MMP2: variants seen among roughly 807,000 people sequenced by gnomAD.
MMP2 encodes matrix metallopeptidase 2.
Under a neutral mutation model 74.8 loss-of-function variants are expected in MMP2, and 39 were observed. The observed-to-expected ratio is 0.52, with a 90% confidence interval of 0.40 to 0.68. The LOEUF (loss-of-function observed/expected upper bound fraction) is 0.68, where lower values mean the gene tolerates loss of function less well. MMP2 is among the 30% of genes least tolerant of loss of function. MMP2 has a pLI of 0.00. For missense variants in MMP2, 803 were observed against 878.3 expected (o/e 0.91, Z 1.08); for synonymous variants, 367 against 339.8 (o/e 1.08, Z -0.88).
intron 11 of MMP2, 64 bp from the exon 12 acceptor site, chr16:55,502,715 C>T: frequency 6.8e-7 from 1 of 1,467,100 alleles, no homozygotes; most frequent in Non-Finnish European, 9.5e-7. Context: ...TGCTCCCATC[C>T]AGGCCAGGGG....
In MMP2 at chr16:55,498,309, T is replaced by C. The variant is rs1301362679; in HGVS notation, c.1630T>C (p.Ser544Pro). Residue 544 changes from serine (S) to proline (P), a missense_variant, in exon 11 of 13, where the codon TCA (serine) becomes CCA (proline). Coordinates refer to ENST00000219070, the MANE Select transcript of MMP2 (RefSeq NM_004530.6). ...FFAGNEYWIY[S>P]ASTLERGYPK... ...CCCAGGGAATGAATACTGGATCTACTCAGCCAGCACCCTGGAGCGAGGGTA... is the reference window on the plus strand; with the variant it reads ...CCCAGGGAATGAATACTGGATCTACCCAGCCAGCACCCTGGAGCGAGGGTA... The C allele has an allele frequency of 6.2e-7, 1 of 1,614,190 alleles. No homozygotes were observed.
At chr16:55,490,597 G>C (rs1235417798) in intron 7 of MMP2, among the ~76,000 whole-genome samples, 7 of 152,322 alleles carry the variant, frequency 4.6e-5, no homozygotes, top group Admixed American at 3.9e-4. Context: ...AAAGCTCCCT[G>C]ATGGCCCATA....
intron 9 of MMP2, among the ~76,000 whole-genome samples, chr16:55,494,888 G>A (rs1962496448): frequency 6.6e-6 from 1 of 152,230 alleles, no homozygotes. Context: ...TGATGGGGGT[G>A]ACAAGTTAGG....
rs532870938 is a variant in MMP2 at position 55,502,152 on chromosome 16, T to C, written c.1770-627T>C. Among the ~76,000 whole-genome samples, 5 of 152,194 alleles carry C rather than the reference T, an allele frequency of 3.3e-5. No individual in the cohort carries two copies. In the South Asian group the frequency reaches 1.0e-3, roughly 32 times the overall value. On this transcript the variant is annotated intron_variant, in intron 11 of 12. Coordinates refer to ENST00000219070, the MANE Select transcript of MMP2 (RefSeq NM_004530.6). ...CTTACACGTACCTTCCACCTTGCAT[T>C]GTAACCTCACTGCCCCAGCCATGGT... is the stretch of plus-strand genomic sequence containing the variant.
At position 55,501,108 on chromosome 16, in the gene MMP2, C is replaced by T. The variant is rs936293552; in HGVS notation, c.1770-1671C>T. ...TATGGGGCCTCTACCATAGCCCAGC[C>T]TGAGGCTATGCAGGTCACCTATATT... On this transcript the variant is annotated intron_variant, in intron 11 of 12. Coordinates refer to ENST00000219070, the MANE Select transcript of MMP2 (RefSeq NM_004530.6). Among the ~76,000 whole-genome samples, 14 of 152,344 alleles carry T rather than the reference C, an allele frequency of 9.2e-5. 1 individual carries two copies. The highest frequency in any genetic ancestry group is 8.5e-4 in the Admixed American group (13 of 15,300).
At chr16:55,501,582 C>A (rs1168545721) in intron 11 of MMP2, among the ~76,000 whole-genome samples, 1 of 152,114 alleles carries the variant, frequency 6.6e-6, no homozygotes, top group African/African-American at 2.4e-5. Flanking sequence ...AGGAAGCATG[C>A]CAGGTTTTGT....
rs2142378169 is a variant in MMP2 at position 55,505,925 on chromosome 16, A to T, written c.*483A>T. On this transcript the variant is annotated 3_prime_UTR_variant, in exon 13 of 13. Coordinates refer to ENST00000219070, the MANE Select transcript of MMP2 (RefSeq NM_004530.6). The stretch of plus-strand genomic sequence containing the variant: ...GGCTTTTCACTGCTGGCTGCCTTAG[A>T]ACCTTTCTTACATTAGCAGTTTGCT... The T allele has an allele frequency of 1.7e-5, 3 of 178,666 alleles. No homozygotes were observed. Among genetic ancestry groups the T allele is most frequent in the Middle Eastern group, 5.5e-3 (2 of 364 alleles). 11.1% of individuals were successfully genotyped at this position (178,666 alleles called of 1,614,324 possible).
chr16:55,497,648 C>T (rs955563098), intron 10 of MMP2, among the ~76,000 whole-genome samples: 15 of 152,038 alleles, frequency 9.9e-5, no homozygotes, highest in Non-Finnish European at 1.6e-4. Context: ...TACAGGGAGC[C>T]CCTAGAAGTG....
intron 5 of MMP2, chr16:55,488,222 C>T (rs1384944589): frequency 1.4e-5 from 6 of 419,504 alleles, no homozygotes; most frequent in South Asian, 1.1e-4. Context: ...TTGCATGGTA[C>T]AGGTGTGGAC....
At chr16:55,496,783 C>T in intron 9 of MMP2, 143 bp from the exon 10 acceptor site, 3 of 1,161,142 alleles carry the variant, frequency 2.6e-6, no homozygotes, top group East Asian at 2.5e-5. Flanking sequence ...TCCAGTCCTT[C>T]TCCAACCTTC....
chr16:55,503,030 A>G (rs1962710088), intron 12 of MMP2, 142 bp downstream of exon 12: 2 of 719,496 alleles, frequency 2.8e-6, no homozygotes, highest in South Asian at 3.0e-5. Context: ...CCTTCATCCT[A>G]GTGCTGGGAA....
Position 55,493,094 on chromosome 16 carries a change from G to A in MMP2, c.1337-64G>A, listed in dbSNP as rs1320719119. The stretch of plus-strand genomic sequence containing the variant: ...AGATGGTTGGGTGGGCACCCCTGGG[G>A]GCTCACCCTAGTGGGGAGAACCTCT... On this transcript the variant is annotated intron_variant, in intron 8 of 12. Coordinates refer to ENST00000219070, the MANE Select transcript of MMP2 (RefSeq NM_004530.6). The A allele has an allele frequency of 5.0e-6, 8 of 1,601,138 alleles. No individual in the cohort carries two copies. In the Admixed American group the frequency reaches 1.0e-4, roughly 20 times the overall value.
intron 9 of MMP2, among the ~76,000 whole-genome samples, chr16:55,496,278 A>G (rs1962526213): frequency 4.6e-5 from 7 of 152,204 alleles, no homozygotes; most frequent in Admixed American, 4.6e-4. Flanking sequence ...ATCTACCCCT[A>G]GAATGGGGGT....
chr16:55,502,901 G>C lies in MMP2; in HGVS notation c.1879+13G>C. 6.2e-7 allele frequency: 1 copy of C among 1,607,290 alleles called. No homozygotes were observed. The highest frequency in any genetic ancestry group is 1.1e-5 in the South Asian group (1 of 90,972). On this transcript the variant is annotated intron_variant, in intron 12 of 12. Transcript: ENST00000219070. Reference sequence around the variant, plus strand: ...CTGCAGGGCGGCGGTGAGCCACCCAGGACTGTCTCCGCTTTCTAGGACTCC... The same window carrying C: ...CTGCAGGGCGGCGGTGAGCCACCCACGACTGTCTCCGCTTTCTAGGACTCC...
At chr16:55,502,106 C>T (rs1266676941) in intron 11 of MMP2, among the ~76,000 whole-genome samples, 1 of 152,194 alleles carries the variant, frequency 6.6e-6, no homozygotes, top group African/African-American at 2.4e-5. Flanking sequence ...GTGGCCCACC[C>T]TGTGACTAAC....
Position 55,493,162 on chromosome 16 carries a change from C to G in MMP2, c.1341C>G (p.Ala447=). 6.2e-7 allele frequency: 1 copy of G among 1,613,776 alleles called. No homozygotes were observed. Among genetic ancestry groups the G allele is most frequent in the Non-Finnish European group, 8.5e-7 (1 of 1,180,032 alleles). The change falls in exon 9 of 13, where the codon GCC becomes GCG. Residue 447 remains alanine, a synonymous_variant. Transcript: ENST00000219070. ...DIKGIQELYG[A]SPDIDLGTGP... The stretch of plus-strand genomic sequence containing the variant: ...AAGGTCAGGTGTTCTCCCCAGGGGC[C>G]TCTCCTGACATTGACCTTGGCACCG...
intron 2 of MMP2, 93 bp from the exon 3 acceptor site, chr16:55,483,923 A>C: frequency 7.0e-7 from 1 of 1,419,696 alleles, no homozygotes; most frequent in South Asian, 1.2e-5. Context: ...ACACACTCAA[A>C]CTTTTTCATA....
In MMP2 at chr16:55,502,867, G is replaced by C. The variant is rs41459945; in HGVS notation, c.1858G>C (p.Val620Leu). 1.9e-6 allele frequency: 3 copies of C among 1,613,828 alleles called. No individual in the cohort carries two copies. In the Admixed American group the frequency reaches 5.0e-5, roughly 27 times the overall value. The part of the protein sequence containing the change: ...WNAIPDNLDA[V>L]VDLQGGGHSY... ...TGCCATCCCCGATAACCTGGATGCCGTCGTGGACCTGCAGGGCGGCGGTGA... is the reference window on the plus strand; with the variant it reads ...TGCCATCCCCGATAACCTGGATGCCCTCGTGGACCTGCAGGGCGGCGGTGA... The change falls in exon 12 of 13, where the codon GTC becomes CTC. Residue 620 changes from valine to leucine, a missense_variant. Transcript: ENST00000219070.
chr16:55,498,529 G>A (rs1189673105), intron 11 of MMP2, 81 bp downstream of exon 11: 2 of 1,600,948 alleles, frequency 1.2e-6, no homozygotes, highest in Admixed American at 3.3e-5. Context: ...CAAGCCTCCT[G>A]GGCTGAGTTC....
Sources: allele counts gnomAD v4.1 joint callset (sites outside exome capture counted in the v4.1 genomes callset), GRCh38; gene constraint gnomAD v4.1.1; transcripts MANE v1.5; gene names NCBI Gene and HGNC (gene_info 2026-07-23, HGNC 2026-07-21).